Variants in CFAP44 observed in about 807,000 individuals in gnomAD.
CFAP44 encodes the protein cilia- and flagella-associated protein 44.
In CFAP44, 134 loss-of-function variants were observed where a neutral mutation model predicts 216.2. That is an observed-to-expected ratio of 0.62 (90% CI 0.54 to 0.72). CFAP44 has a LOEUF of 0.72. Among genes scored for constraint, CFAP44 ranks in the 30% least tolerant of loss-of-function variants. CFAP44 has a pLI of 0.00. For missense variants in CFAP44, 2,035 were observed against 2,182.1 expected, an observed-to-expected ratio of 0.93 and a Z score of 1.34; for synonymous variants, 700 against 727.6, an observed-to-expected ratio of 0.96 and a Z score of 0.61.
At chr3:113,430,429 G>GAAAAA (rs754983161) in intron 2 of CFAP44, among the ~76,000 whole-genome samples, 1,809 of 73,792 alleles carry the variant, frequency 0.025, 22 homozygotes, top group East Asian at 0.12. Flanking sequence ...AAAAATAAAT[G>GAAAAA]AAAAAAAAAA....
intron 26 of CFAP44, among the ~76,000 whole-genome samples, chr3:113,328,135 A>G (rs1248464032): frequency 2.6e-5 from 4 of 151,772 alleles, no homozygotes; most frequent in African/African-American, 9.7e-5. Context: ...TAGTGTTTCT[A>G]TCTGTCTCCT....
chr3:113,433,872 C>T, intron 1 of CFAP44: 1 of 401,358 alleles, frequency 2.5e-6, no homozygotes, highest in Non-Finnish European at 4.5e-6. Context: ...ATTATAATCA[C>T]AGATTCTCTT....
intron 33 of CFAP44, 75 bp from the exon 34 acceptor site, chr3:113,294,896 G>C: frequency 7.0e-7 from 1 of 1,426,832 alleles, no homozygotes. Flanking sequence ...GTCCAGATTT[G>C]GTCAAAATCA....
At position 113,350,356 on chromosome 3, in the gene CFAP44, C is replaced by CAGAG. The variant is rs60263174; in HGVS notation, c.3066-5648_3066-5645dup. Among the ~76,000 whole-genome samples the CAGAG allele has an allele frequency of 8.5e-3, 1,249 of 146,568 alleles. 13 individuals carry two copies. The highest frequency in any genetic ancestry group is 0.014 in the Middle Eastern group (4 of 278). The stretch of plus-strand genomic sequence containing the variant: ...AGAGACAGAGAGACAAAGAGAGAGT[C>CAGAG]AGAGAGAGAGAGAGAGACAGAAAGT... On this transcript the variant is annotated intron_variant, in intron 22 of 34. Coordinates refer to ENST00000393845, the MANE Select transcript of CFAP44 (RefSeq NM_001164496.2).
intron 12 of CFAP44, among the ~76,000 whole-genome samples, 171 bp from the exon 13 acceptor site, chr3:113,400,171 A>G (rs1576590105): frequency 6.6e-6 from 1 of 152,324 alleles, no homozygotes; most frequent in Non-Finnish European, 1.5e-5. Flanking sequence ...ATTCATAAAC[A>G]TGAATAATAA....
At chr3:113,409,357 C>A (rs1204495878) in intron 6 of CFAP44, 35 bp from the exon 7 acceptor site, 1 of 1,570,244 alleles carries the variant, frequency 6.4e-7, no homozygotes, top group South Asian at 1.1e-5. Flanking sequence ...TAAATAAGGA[C>A]ACATTTATTT....
intron 10 of CFAP44, 148 bp downstream of exon 10, chr3:113,401,436 C>T (rs2107360587): frequency 8.3e-7 from 1 of 1,206,018 alleles, no homozygotes; most frequent in East Asian, 2.6e-5. Flanking sequence ...TTAATAAAAA[C>T]AACTTCTATA....
rs2107808869 is a variant in CFAP44, at chr3:113,327,633, C to T, written c.4303G>A (p.Glu1435Lys). 1 of 1,536,852 alleles carries T rather than the reference C, an allele frequency of 6.5e-7. No individual in the cohort carries two copies. The highest frequency in any genetic ancestry group is 2.4e-5 in the East Asian group (1 of 40,884). Residue 1435 changes from glutamate (E) to lysine (K), a missense_variant, in exon 27 of 35, where the codon GAG (glutamate) becomes AAG (lysine). By Grantham distance (56) the Glu-to-Lys change is moderately conservative. Coordinates refer to ENST00000393845, the MANE Select transcript of CFAP44 (RefSeq NM_001164496.2). Reference protein sequence around the residue: ...LQERVNSLDKEEQYMQWKINE... With the variant: ...LQERVNSLDKKEQYMQWKINE... Reference sequence around the variant, plus strand: ...ACTCATACTTGCATGTACTGTTCCTCTTTGTCTAAGGAATTAACACGTTCT... The same window carrying T: ...ACTCATACTTGCATGTACTGTTCCTTTTTGTCTAAGGAATTAACACGTTCT...
At chr3:113,342,660 A>C (rs1034478110) in intron 23 of CFAP44, among the ~76,000 whole-genome samples, 4 of 151,990 alleles carry the variant, frequency 2.6e-5, no homozygotes, top group Non-Finnish European at 5.9e-5. Context: ...CAACTAAAAA[A>C]CTCATCAGAA....
intron 29 of CFAP44, among the ~76,000 whole-genome samples, chr3:113,306,949 G>A (rs1354146232): frequency 6.6e-6 from 1 of 152,098 alleles, no homozygotes. Context: ...AAAGACCATT[G>A]TATTCAAAAG....
intron 11 of CFAP44, 30 bp from the exon 12 acceptor site, chr3:113,400,674 T>C (rs760477055): frequency 1.3e-6 from 2 of 1,569,418 alleles, no homozygotes; most frequent in South Asian, 2.2e-5. Context: ...TTACTAGATC[T>C]CAAAGACAGA....
chr3:113,414,995 G>GT (rs141093042), intron 6 of CFAP44, among the ~76,000 whole-genome samples: 6,367 of 151,524 alleles, frequency 0.042, 207 homozygotes, highest in African/African-American at 0.082. Flanking sequence ...TGGTCCTGGA[G>GT]TTTTTTTTGG....
intron 6 of CFAP44, among the ~76,000 whole-genome samples, chr3:113,411,196 T>C (rs1436778239): frequency 2.0e-5 from 3 of 152,354 alleles, no homozygotes; most frequent in East Asian, 3.9e-4. Context: ...TTGCTTTTGG[T>C]GTTTTACACA....
At chr3:113,318,823 CA>C (rs1950114054) in intron 28 of CFAP44, among the ~76,000 whole-genome samples, 1 of 152,008 alleles carries the variant, frequency 6.6e-6, no homozygotes, top group Non-Finnish European at 1.5e-5. Flanking sequence ...CACATCCTGC[CA>C]TACTGTTTCA....
At chr3:113,364,731 G>C (rs1396653265) in intron 19 of CFAP44, among the ~76,000 whole-genome samples, 1 of 152,060 alleles carries the variant, frequency 6.6e-6, no homozygotes, top group African/African-American at 2.4e-5. Context: ...CTCAATCCTA[G>C]CTACACAGTA....
At chr3:113,359,581 A>T (rs530004590) in intron 21 of CFAP44, among the ~76,000 whole-genome samples, 15 of 152,328 alleles carry the variant, frequency 9.8e-5, no homozygotes, top group African/African-American at 3.6e-4. Flanking sequence ...AAAATAGCAT[A>T]AAGGTCTTTT....
chr3:113,441,429 C>T, intron 1 of CFAP44, 24 bp downstream of exon 1: 18 of 985,888 alleles, frequency 1.8e-5, no homozygotes, highest in Non-Finnish European at 2.2e-5. Context: ...GTGGAAACTG[C>T]CGGCTGCTGA....
intron 27 of CFAP44, 80 bp downstream of exon 27, chr3:113,327,536 T>C: frequency 9.3e-6 from 12 of 1,293,308 alleles, no homozygotes; most frequent in Non-Finnish European, 1.3e-5. Context: ...AAGTGGGAGA[T>C]TTGAGTTAAG....
At chr3:113,397,667 C>T (rs1233507251) in intron 13 of CFAP44, among the ~76,000 whole-genome samples, 1 of 152,064 alleles carries the variant, frequency 6.6e-6, no homozygotes, top group South Asian at 2.1e-4. Flanking sequence ...GGGATATGAA[C>T]ATATTTTAGG....
Sources: gnomAD v4.1 joint callset for allele counts (sites outside exome capture counted in the v4.1 genomes callset) on GRCh38, gnomAD v4.1.1 for gene constraint, MANE v1.5 for transcripts, NCBI Gene and HGNC (gene_info 2026-07-23, HGNC 2026-07-21) for gene names.